The following CCBE1 variants were observed in gnomAD, a reference collection of about 807,000 sequenced individuals.
The protein encoded by CCBE1 is collagen and calcium-binding EGF domain-containing protein 1.
CCBE1 carries 37 observed loss-of-function variants against 50.0 expected under a neutral mutation model. That is an observed-to-expected ratio of 0.74 (90% CI 0.57 to 0.97). CCBE1 has a LOEUF of 0.97. CCBE1 is among the 50% of genes least tolerant of loss of function. CCBE1 has a pLI of 0.00. For missense variants in CCBE1, 538 were observed against 523.8 expected, an observed-to-expected ratio of 1.03 and a Z score of -0.26; for synonymous variants, 234 against 203.7, an observed-to-expected ratio of 1.15 and a Z score of -1.27.
At chr18:59,578,977 G>T (rs891977708) in intron 2 of CCBE1, among the ~76,000 whole-genome samples, 2 of 151,756 alleles carry the variant, frequency 1.3e-5, no homozygotes, top group African/African-American at 4.8e-5. Flanking sequence ...CTTTTTATCA[G>T]AAAAAAAATG....
chr18:59,696,396 T>C lies in CCBE1; in HGVS notation c.212+233A>G, dbSNP rs2288597. On this transcript the variant is annotated intron_variant, in intron 2 of 10. Coordinates refer to ENST00000439986, the MANE Select transcript of CCBE1 (RefSeq NM_133459.4). Reference sequence around the variant, plus strand: ...CAAGTATTTCAGGGAGCGGCAACCATCCTCAGGATCTCAGGGCACACACCC... The same window carrying C: ...CAAGTATTTCAGGGAGCGGCAACCACCCTCAGGATCTCAGGGCACACACCC... 11,335 of 1,110,276 alleles carry C rather than the reference T, an allele frequency of 0.01. 592 individuals carry two copies. The African/African-American group carries it at 0.13, about 13-fold the overall frequency. The allele number at this position is 1,110,276 out of a possible 1,614,324, so 68.8% of individuals were successfully genotyped here. A position where few individuals can be genotyped will look rare whatever the true frequency, so the allele number is the denominator to read the frequency against.
At chr18:59,672,804 A>G (rs2054451712) in intron 2 of CCBE1, among the ~76,000 whole-genome samples, 1 of 152,208 alleles carries the variant, frequency 6.6e-6, no homozygotes, top group South Asian at 2.1e-4. Flanking sequence ...TATAAGTGGG[A>G]ACTAAACTAT....
intron 2 of CCBE1, among the ~76,000 whole-genome samples, chr18:59,624,179 C>G (rs2053747519): frequency 6.6e-6 from 1 of 152,204 alleles, no homozygotes; most frequent in Non-Finnish European, 1.5e-5. Flanking sequence ...CTAGCTGCCT[C>G]GTTCTTTGCT....
At chr18:59,448,800 C>A (rs1161007404) in intron 6 of CCBE1, among the ~76,000 whole-genome samples, 1 of 152,190 alleles carries the variant, frequency 6.6e-6, no homozygotes, top group Non-Finnish European at 1.5e-5. Context: ...CTGTAAGAAT[C>A]AAAATCTTGT....
intron 2 of CCBE1, among the ~76,000 whole-genome samples, chr18:59,690,206 C>G (rs1045079885): frequency 6.6e-6 from 1 of 152,060 alleles, no homozygotes; most frequent in African/African-American, 2.4e-5. Context: ...TATTCGTTGA[C>G]TAAGTAAATG....
At chr18:59,461,733 T>TC (rs1285066283) in intron 5 of CCBE1, among the ~76,000 whole-genome samples, 2 of 147,012 alleles carry the variant, frequency 1.4e-5, no homozygotes, top group Non-Finnish European at 3.0e-5. Flanking sequence ...TGTAATCTTT[T>TC]TTTTTTTTTT....
intron 2 of CCBE1, among the ~76,000 whole-genome samples, chr18:59,586,272 C>G (rs1356867025): frequency 6.6e-6 from 1 of 152,216 alleles, no homozygotes; most frequent in African/African-American, 2.4e-5. Flanking sequence ...TTACCCTCTT[C>G]TTTCCATTTC....
At chr18:59,552,746 G>A (rs1915974315) in intron 2 of CCBE1, among the ~76,000 whole-genome samples, 1 of 152,212 alleles carries the variant, frequency 6.6e-6, no homozygotes, top group Admixed American at 6.5e-5. Context: ...TGTGTCTGGA[G>A]TATTTTCACT....
At chr18:59,537,612 A>C (rs2144370949) in intron 2 of CCBE1, among the ~76,000 whole-genome samples, 1 of 152,308 alleles carries the variant, frequency 6.6e-6, no homozygotes, top group East Asian at 1.9e-4. Flanking sequence ...TTTTCCTTAT[A>C]AATTACCCAG....
At chr18:59,567,258 C>A (rs762746169) in intron 2 of CCBE1, among the ~76,000 whole-genome samples, 1 of 151,798 alleles carries the variant, frequency 6.6e-6, no homozygotes, top group African/African-American at 2.4e-5. Flanking sequence ...AGCTGGGAGG[C>A]TACCATACCC....
At chr18:59,601,064 C>G (rs1255671770) in intron 2 of CCBE1, among the ~76,000 whole-genome samples, 1 of 113,022 alleles carries the variant, frequency 8.8e-6, no homozygotes, top group African/African-American at 3.5e-5. Context: ...CAGGGTCTCA[C>G]TCTGTCTCCC....
chr18:59,473,707 C>G (rs1421724841), intron 3 of CCBE1, among the ~76,000 whole-genome samples: 6 of 144,252 alleles, frequency 4.2e-5, no homozygotes, highest in East Asian at 2.1e-4. Flanking sequence ...ACTACTCCCC[C>G]CCTACTACTC....
intron 2 of CCBE1, among the ~76,000 whole-genome samples, chr18:59,498,251 C>T (rs1423863969): frequency 6.6e-6 from 1 of 151,970 alleles, no homozygotes; most frequent in East Asian, 1.9e-4. Context: ...GAAACAATTG[C>T]ATTAATTTGA....
At chr18:59,649,081 T>C (rs1568253166) in intron 2 of CCBE1, among the ~76,000 whole-genome samples, 1 of 152,280 alleles carries the variant, frequency 6.6e-6, no homozygotes, top group East Asian at 1.9e-4. Context: ...CAAGACTATT[T>C]TTTACAAACT....
In CCBE1 at chr18:59,625,248, G is replaced by A. The variant is rs753291075; in HGVS notation, c.212+71381C>T. Among the ~76,000 whole-genome samples, 12 of 152,044 alleles carry A rather than the reference G, an allele frequency of 7.9e-5. 1 individual carries two copies. In the South Asian group the frequency reaches 1.5e-3, roughly 18 times the overall value. On this transcript the variant is annotated intron_variant, in intron 2 of 10. Coordinates refer to ENST00000439986, the MANE Select transcript of CCBE1 (RefSeq NM_133459.4). ...AGATCGCGACCATCGTGGCTAACAC[G>A]GTGAAACCCCATCTCTACTAAAAAT... is the stretch of plus-strand genomic sequence containing the variant.
At chr18:59,606,740 A>T (rs2053504064) in intron 2 of CCBE1, among the ~76,000 whole-genome samples, 1 of 152,194 alleles carries the variant, frequency 6.6e-6, no homozygotes, top group South Asian at 2.1e-4. Context: ...TTATCTGAGA[A>T]ATCTGAGCAT....
At chr18:59,674,899 C>T (rs1175336575) in intron 2 of CCBE1, among the ~76,000 whole-genome samples, 4 of 152,078 alleles carry the variant, frequency 2.6e-5, no homozygotes, top group African/African-American at 9.7e-5. Context: ...ATAACAATAA[C>T]ATTTAGCTGT....
chr18:59,625,437 A>AAAAAAAAAAAAAAG (rs2053770568), intron 2 of CCBE1, among the ~76,000 whole-genome samples: 1 of 136,930 alleles, frequency 7.3e-6, no homozygotes, highest in Non-Finnish European at 1.6e-5. Context: ...TCTCAAAAAA[A>AAAAAAAAAAAAAAG]AAAAAAAAAA....
intron 2 of CCBE1, among the ~76,000 whole-genome samples, chr18:59,494,949 T>G (rs12965354): frequency 0.022 from 3,292 of 151,974 alleles, 142 homozygotes; most frequent in East Asian, 0.21. Flanking sequence ...AGGCCAGGAG[T>G]CTGAGACCAG....
Sources: allele counts gnomAD v4.1 joint callset (sites outside exome capture counted in the v4.1 genomes callset), GRCh38; gene constraint gnomAD v4.1.1; transcripts MANE v1.5; gene names NCBI Gene and HGNC (gene_info 2026-07-23, HGNC 2026-07-21).